Variants in EFCAB7 observed in about 807,000 individuals in gnomAD.
The protein encoded by EFCAB7 is EF-hand calcium binding domain 7, also known as EF-hand calcium-binding domain-containing protein 7.
In EFCAB7, 66 loss-of-function variants were observed where a neutral mutation model predicts 77.1. The observed-to-expected ratio is 0.86, with a 90% CI of 0.70 to 1.05. The LOEUF (loss-of-function observed/expected upper bound fraction) is 1.05. Ranked by LOEUF, EFCAB7 falls within the 50% of genes least tolerant of loss-of-function variation. The pLI is 0.00. For missense variants in EFCAB7, 638 were observed against 730.5 expected (o/e 0.87, Z 1.46); for synonymous variants, 225 against 243.3 (o/e 0.92, Z 0.70).
intron 11 of EFCAB7, among the ~76,000 whole-genome samples, chr1:63,562,249 C>G (rs1410337432): frequency 2.0e-5 from 3 of 151,398 alleles, no homozygotes; most frequent in Non-Finnish European, 2.9e-5. Context: ...ACTTGGATTT[C>G]TGGTCTTTTT....
At chr1:63,575,457 ATAT>A (rs1438960277), downstream of EFCAB7, among the ~76,000 whole-genome samples, 2 of 152,168 alleles carry the variant, frequency 1.3e-5, no homozygotes, top group African/African-American at 2.4e-5. Context: ...GAGGGTGAGC[ATAT>A]TATTTTATTT....
chr1:63,557,113 G>T lies in EFCAB7; in HGVS notation c.1215-1G>T. 6.4e-7 allele frequency: 1 copy of T among 1,563,238 alleles called. No individual in the cohort carries two copies. Among genetic ancestry groups the T allele is most frequent in the Non-Finnish European group, 8.6e-7 (1 of 1,160,316 alleles). On this transcript the variant is annotated splice_acceptor_variant, in intron 9 of 13. Transcript: ENST00000371088. LOFTEE classifies it high-confidence loss of function. Reference sequence around the variant, plus strand: ...ATAACTAGCTATTTTTATAATTTTAGGTCTACTTTATCAGATATATTTGAA... The same window carrying T: ...ATAACTAGCTATTTTTATAATTTTATGTCTACTTTATCAGATATATTTGAA...
In EFCAB7 at chr1:63,545,976, A is replaced by G; in HGVS notation, c.865A>G (p.Ser289Gly). 2 of 1,613,828 alleles carry G rather than the reference A, an allele frequency of 1.2e-6. No individual in the cohort carries two copies. Among genetic ancestry groups the G allele is most frequent in the Non-Finnish European group, 1.7e-6 (2 of 1,179,756 alleles). The change falls in exon 7 of 14, where the codon AGT becomes GGT. Residue 289 changes from serine (S) to glycine (G), a missense_variant. Transcript: ENST00000371088. ...FFLEEDGEIISHQYRMQIAQR... is the reference protein window; with the variant it reads ...FFLEEDGEIIGHQYRMQIAQR... ...CTTAGAAGAAGATGGTGAAATCATT[A>G]GTCATCAGTACAGGATGCAAATAGC...
At chr1:63,525,482 G>T in intron 1 of EFCAB7, 90 bp from the exon 2 acceptor site, 3 of 1,071,836 alleles carry the variant, frequency 2.8e-6, no homozygotes, top group Non-Finnish European at 3.8e-6. Context: ...ATAAAATCTT[G>T]ATTCTCCTCC....
At chr1:63,525,493 C>T in intron 1 of EFCAB7, 79 bp from the exon 2 acceptor site, 5 of 1,146,140 alleles carry the variant, frequency 4.4e-6, no homozygotes, top group East Asian at 2.8e-5. Flanking sequence ...ATTCTCCTCC[C>T]TGTATTTGAA....
chr1:63,540,629 A>G (rs1646817357), intron 6 of EFCAB7, among the ~76,000 whole-genome samples: 1 of 152,082 alleles, frequency 6.6e-6, no homozygotes. Flanking sequence ...TATCTACCCC[A>G]TACTGCCTCA....
At chr1:63,543,485 A>G (rs1425420695) in intron 6 of EFCAB7, among the ~76,000 whole-genome samples, 1 of 152,246 alleles carries the variant, frequency 6.6e-6, no homozygotes, top group Non-Finnish European at 1.5e-5. Flanking sequence ...AGGTTTCTAC[A>G]TAAGGTCAGT....
At chr1:63,549,154 C>G in intron 7 of EFCAB7, 1 of 306,774 alleles carries the variant, frequency 3.3e-6, no homozygotes, top group South Asian at 3.0e-5. Flanking sequence ...TAGCAGAGAA[C>G]CAATTCTGGA....
chr1:63,564,581 A>T (rs1257991220), intron 11 of EFCAB7, among the ~76,000 whole-genome samples: 2 of 152,218 alleles, frequency 1.3e-5, no homozygotes, highest in Non-Finnish European at 2.9e-5. Flanking sequence ...AAATGGAAAA[A>T]CATTTGATGC....
chr1:63,565,629 C>T (rs1647161949), intron 11 of EFCAB7, among the ~76,000 whole-genome samples: 1 of 152,108 alleles, frequency 6.6e-6, no homozygotes, highest in African/African-American at 2.4e-5. Context: ...GCAAACTATG[C>T]ATCTGACAAA....
rs1647240577 is a variant in EFCAB7, at chr1:63,571,007, T to A, written c.1708-14T>A. ...AAGAAAGGAATAGCAGCTTATGAAA[T>A]CTTTTTTTAATAGTCAGATGAGAAA... On this transcript the variant is annotated splice_polypyrimidine_tract_variant and intron_variant, in intron 12 of 13. Coordinates refer to ENST00000371088, the MANE Select transcript of EFCAB7 (RefSeq NM_032437.4). 2 of 1,562,222 alleles carry A rather than the reference T, an allele frequency of 1.3e-6. No individual in the cohort carries two copies. Among genetic ancestry groups the A allele is most frequent in the East Asian group, 4.5e-5 (2 of 44,408 alleles).
intron 2 of EFCAB7, among the ~76,000 whole-genome samples, chr1:63,528,289 A>G (rs113698080): frequency 1.3e-5 from 2 of 152,184 alleles, no homozygotes; most frequent in African/African-American, 4.8e-5. Context: ...AATAACATGG[A>G]TAGAACTGGA....
chr1:63,545,182 G>T (rs1167184995), intron 6 of EFCAB7, among the ~76,000 whole-genome samples: 1 of 151,888 alleles, frequency 6.6e-6, no homozygotes, highest in Admixed American at 6.6e-5. Context: ...CTCCCAAAGT[G>T]CTGGGATTAC....
At chr1:63,538,571 A>G (rs1051404813) in intron 6 of EFCAB7, among the ~76,000 whole-genome samples, 5 of 151,864 alleles carry the variant, frequency 3.3e-5, no homozygotes, top group Admixed American at 6.6e-5. Context: ...CTCCTGCCTC[A>G]GCCTCCTGAG....
chr1:63,552,078 G>A (rs959080085), intron 8 of EFCAB7, among the ~76,000 whole-genome samples: 1 of 151,850 alleles, frequency 6.6e-6, no homozygotes, highest in African/African-American at 2.4e-5. Flanking sequence ...GGAGGAGCTG[G>A]GCATGGTGGC....
chr1:63,561,426 TAC>T (rs1174849942), intron 10 of EFCAB7, among the ~76,000 whole-genome samples: 1 of 152,204 alleles, frequency 6.6e-6, no homozygotes, highest in Non-Finnish European at 1.5e-5. Context: ...CCAGAAATAT[TAC>T]AGTTTCCTCT....
chr1:63,554,089 C>T (rs971354108), intron 8 of EFCAB7, among the ~76,000 whole-genome samples: 2 of 152,132 alleles, frequency 1.3e-5, no homozygotes, highest in African/African-American at 2.4e-5. Flanking sequence ...TCCCAAAGTG[C>T]TGGGATGATA....
At chr1:63,542,190 G>T (rs1407139322) in intron 6 of EFCAB7, among the ~76,000 whole-genome samples, 1 of 152,056 alleles carries the variant, frequency 6.6e-6, no homozygotes, top group Non-Finnish European at 1.5e-5. Flanking sequence ...CCTCATATAA[G>T]TGGAATCATA....
At chr1:63,552,932 A>G (rs1646983611) in intron 8 of EFCAB7, among the ~76,000 whole-genome samples, 1 of 152,206 alleles carries the variant, frequency 6.6e-6, no homozygotes, top group Admixed American at 6.5e-5. Context: ...AGCATTGTCT[A>G]AAACAGTAGC....
Sources: allele counts gnomAD v4.1 joint callset (sites outside exome capture counted in the v4.1 genomes callset), GRCh38; gene constraint gnomAD v4.1.1; transcripts MANE v1.5; gene names NCBI Gene and HGNC (gene_info 2026-07-23, HGNC 2026-07-21).